The following MME variants were observed in gnomAD, a reference collection of about 807,000 sequenced individuals.
MME encodes neprilysin.
Under a neutral mutation model 113.2 loss-of-function variants are expected in MME, and 98 were observed. The observed-to-expected ratio is 0.87, with a 90% CI of 0.74 to 1.02. The LOEUF is 1.02. Among genes scored for constraint, MME ranks in the 50% least tolerant of loss-of-function variants. The pLI, the probability that MME is intolerant of heterozygous loss-of-function variation, is 0.00. For synonymous variants in MME, 292 were observed against 300.6 expected (o/e 0.97, Z 0.30); for missense variants, 836 against 896.0 (o/e 0.93, Z 0.86).
chr3:155,064,326 G>GTA (rs1553751610), intron 1 of MME, among the ~76,000 whole-genome samples: 2 of 152,002 alleles, frequency 1.3e-5, no homozygotes, highest in Non-Finnish European at 2.9e-5. Flanking sequence ...ACAAATATAT[G>GTA]TATATATGTA....
chr3:155,028,706 AT>A (rs1028341879), intron 1 of MME, among the ~76,000 whole-genome samples: 1 of 152,204 alleles, frequency 6.6e-6, no homozygotes, highest in African/African-American at 2.4e-5. Context: ...AAGTAAAATG[AT>A]TTTTGGTAGC....
intron 1 of MME, among the ~76,000 whole-genome samples, chr3:155,046,590 C>G (rs570302410): frequency 6.6e-6 from 1 of 151,832 alleles, no homozygotes; most frequent in Non-Finnish European, 1.5e-5. Context: ...CTTAGGAGGC[C>G]GAGGCAGGAG....
chr3:155,095,770 G>A (rs757001765), intron 3 of MME, among the ~76,000 whole-genome samples: 7 of 151,982 alleles, frequency 4.6e-5, no homozygotes, highest in East Asian at 3.9e-4. Context: ...ACCCCCTGCC[G>A]TCAGGAAAAT....
chr3:155,042,684 T>C (rs923712563), intron 1 of MME, among the ~76,000 whole-genome samples: 1 of 151,892 alleles, frequency 6.6e-6, no homozygotes, highest in African/African-American at 2.4e-5. Context: ...TTAACAAATG[T>C]TTTGAATTGT....
chr3:155,167,341 T>A (rs989651208), intron 18 of MME, among the ~76,000 whole-genome samples: 3 of 152,134 alleles, frequency 2.0e-5, no homozygotes, highest in Non-Finnish European at 4.4e-5. Flanking sequence ...CTTGTCATAC[T>A]CTTAAAGGAC....
intron 3 of MME, among the ~76,000 whole-genome samples, chr3:155,102,831 G>A (rs1449210163): frequency 2.6e-5 from 4 of 152,130 alleles, no homozygotes; most frequent in African/African-American, 9.7e-5. Context: ...AGGGCTCCCA[G>A]CATGCCGAAA....
At chr3:155,089,014 G>A (rs61762346) in intron 3 of MME, among the ~76,000 whole-genome samples, 7 of 152,004 alleles carry the variant, frequency 4.6e-5, no homozygotes, top group Non-Finnish European at 1.5e-5. Context: ...AAATCTGTTT[G>A]GTGTTACATA....
chr3:155,082,134 T>C (rs1406797788), intron 1 of MME, among the ~76,000 whole-genome samples: 4 of 152,252 alleles, frequency 2.6e-5, no homozygotes, highest in African/African-American at 4.8e-5. Context: ...CCACTAGCTT[T>C]ACTACACCAC....
intron 14 of MME, among the ~76,000 whole-genome samples, chr3:155,146,551 T>G (rs935824933): frequency 2.0e-5 from 3 of 151,598 alleles, no homozygotes; most frequent in African/African-American, 7.3e-5. Context: ...AAGATAGTAG[T>G]AAATACATAA....
At chr3:155,065,643 C>T (rs181798250) in intron 1 of MME, among the ~76,000 whole-genome samples, 3 of 152,270 alleles carry the variant, frequency 2.0e-5, no homozygotes, top group Admixed American at 2.0e-4. Context: ...ATGATAAATT[C>T]TTAGCAAGCA....
At chr3:155,047,430 A>G (rs1713595817) in intron 1 of MME, among the ~76,000 whole-genome samples, 1 of 152,194 alleles carries the variant, frequency 6.6e-6, no homozygotes, top group Non-Finnish European at 1.5e-5. Flanking sequence ...TATTCACACA[A>G]CAACAAAAAT....
chr3:155,042,533 A>AT (rs1374942588), intron 1 of MME, among the ~76,000 whole-genome samples: 1 of 152,124 alleles, frequency 6.6e-6, no homozygotes, highest in Non-Finnish European at 1.5e-5. Context: ...ATTGCACTAT[A>AT]TGCCAAAGAC....
rs1198299912 is a variant in MME at position 155,182,990 on chromosome 3, A to G, written c.*2531A>G. ...TATCTCTAATTCCATCCATAAATCC[A>G]GTTCTACTATGGCTGAGTTCTGGTC... On this transcript the variant is annotated 3_prime_UTR_variant, in exon 23 of 23. Transcript: ENST00000360490. 1 of 152,234 alleles carries G rather than the reference A, an allele frequency of 6.6e-6. No homozygotes were observed. Among genetic ancestry groups the G allele is most frequent in the African/African-American group, 2.4e-5 (1 of 41,466 alleles). 9.4% of individuals were successfully genotyped at this position (152,234 alleles called of 1,614,324 possible). A position where few individuals can be genotyped will look rare whatever the true frequency, so the allele number is the denominator to read the frequency against.
intron 3 of MME, among the ~76,000 whole-genome samples, chr3:155,088,024 A>G (rs1284706347): frequency 6.6e-6 from 1 of 152,210 alleles, no homozygotes; most frequent in Non-Finnish European, 1.5e-5. Context: ...ATACAATAGA[A>G]ATAACTTCAG....
intron 1 of MME, among the ~76,000 whole-genome samples, chr3:155,052,027 A>T (rs1713780184): frequency 6.6e-6 from 1 of 152,166 alleles, no homozygotes. Context: ...CCCCATACAA[A>T]TCTGAAATCA....
At chr3:155,062,317 A>G (rs1714177646) in intron 1 of MME, among the ~76,000 whole-genome samples, 1 of 152,178 alleles carries the variant, frequency 6.6e-6, no homozygotes, top group Non-Finnish European at 1.5e-5. Flanking sequence ...AACAAATGCT[A>G]TTTAGTTTAT....
At chr3:155,162,474 A>C (rs1366828346) in intron 17 of MME, among the ~76,000 whole-genome samples, 1 of 152,162 alleles carries the variant, frequency 6.6e-6, no homozygotes, top group Non-Finnish European at 1.5e-5. Context: ...AATTAGCTAT[A>C]ATAACAATTC....
intron 1 of MME, among the ~76,000 whole-genome samples, chr3:155,068,222 A>T (rs1714448959): frequency 6.6e-6 from 1 of 152,218 alleles, no homozygotes; most frequent in South Asian, 2.1e-4. Flanking sequence ...GAAAATGCAA[A>T]CTAGTATACA....
chr3:155,093,788 G>A (rs1392376096), intron 3 of MME, among the ~76,000 whole-genome samples: 4 of 151,072 alleles, frequency 2.6e-5, no homozygotes, highest in African/African-American at 7.3e-5. Context: ...CCCAGGAGGT[G>A]GAGTTTGCAG....
Sources: gnomAD v4.1 joint callset for allele counts (sites outside exome capture counted in the v4.1 genomes callset) on GRCh38, gnomAD v4.1.1 for gene constraint, MANE v1.5 for transcripts, NCBI Gene and HGNC (gene_info 2026-07-23, HGNC 2026-07-21) for gene names.